CDH2: variants seen among roughly 807,000 people sequenced by gnomAD.
CDH2 encodes the protein cadherin 2, also known as cadherin-2.
Under a neutral mutation model 92.0 loss-of-function variants are expected in CDH2, and 17 were observed. The ratio of observed to expected loss-of-function variants is 0.18; its 90% CI spans 0.13 to 0.28. CDH2 has a LOEUF of 0.28. Ranked by LOEUF, CDH2 falls within the 10% of genes least tolerant of loss-of-function variation. CDH2 has a pLI of 1.00. For synonymous variants in CDH2, 419 were observed against 415.9 expected (o/e 1.01, Z -0.09); for missense variants, 862 against 1,133.1 (o/e 0.76, Z 3.44).
In CDH2 at chr18:27,990,143, T is replaced by C. The variant is rs149079132; in HGVS notation, c.1552A>G (p.Thr518Ala). ...CGATCTGGGTCCTGAGCAGTGAATG[T>C]TGTCAACATGGTACCGGCATGAAGC... Reference protein sequence around the residue: ...EGLHAGTMLTTFTAQDPDRYM... With the variant: ...EGLHAGTMLTAFTAQDPDRYM... Residue 518 changes from threonine to alanine, a missense_variant, in exon 10 of 16, where the codon ACA becomes GCA. Thr to Ala is a moderately conservative substitution (Grantham distance 58). Transcript: ENST00000269141. 1.2e-5 allele frequency: 20 copies of C among 1,614,078 alleles called. No individual in the cohort carries two copies. The African/African-American group carries it at 1.7e-4, about 14-fold the overall frequency.
chr18:28,132,529 G>A (rs2015789797), intron 2 of CDH2, among the ~76,000 whole-genome samples: 1 of 152,112 alleles, frequency 6.6e-6, no homozygotes, highest in South Asian at 2.1e-4. Flanking sequence ...CAGAGGCAAC[G>A]GGTGGGAGGG....
At chr18:28,053,326 A>G (rs2014229185) in intron 2 of CDH2, among the ~76,000 whole-genome samples, 2 of 152,230 alleles carry the variant, frequency 1.3e-5, no homozygotes, top group South Asian at 4.1e-4. Context: ...AGTATTAGAC[A>G]TTTTTAAAGA....
intron 3 of CDH2, 55 bp from the exon 4 acceptor site, chr18:28,012,047 G>T (rs2013116828): frequency 2.1e-6 from 3 of 1,454,672 alleles, no homozygotes; most frequent in Non-Finnish European, 2.9e-6. Context: ...TTTTCTGAAA[G>T]TACATCAATA....
intron 2 of CDH2, among the ~76,000 whole-genome samples, chr18:28,095,572 C>T (rs993340739): frequency 6.6e-6 from 1 of 151,986 alleles, no homozygotes; most frequent in Non-Finnish European, 1.5e-5. Flanking sequence ...AATCCCAGCA[C>T]TTTGGGAGGC....
At position 27,986,167 on chromosome 18, in the gene CDH2, T is replaced by C. The variant is rs76377715; in HGVS notation, c.1742-406A>G. Among the ~76,000 whole-genome samples the C allele has an allele frequency of 2.7e-4, 41 of 152,280 alleles. 1 individual carries two copies. The East Asian group carries it at 7.9e-3, about 30-fold the overall frequency. ...TTTATGGAGAACCAAGACATATGCA[T>C]GAAAGAACATAAGAATGCTTTTAAC... On this transcript the variant is annotated intron_variant, in intron 11 of 15. Coordinates refer to ENST00000269141, the MANE Select transcript of CDH2 (RefSeq NM_001792.5).
intron 2 of CDH2, among the ~76,000 whole-genome samples, chr18:28,092,877 C>A (rs770675441): frequency 6.6e-5 from 10 of 152,126 alleles, no homozygotes; most frequent in Non-Finnish European, 1.3e-4. Flanking sequence ...ATGGAATCCA[C>A]CAATATTCCA....
At chr18:28,089,939 C>T (rs761353908) in intron 2 of CDH2, among the ~76,000 whole-genome samples, 5 of 152,178 alleles carry the variant, frequency 3.3e-5, no homozygotes, top group African/African-American at 7.2e-5. Flanking sequence ...TCCATATCCA[C>T]GTGAATTATG....
intron 2 of CDH2, among the ~76,000 whole-genome samples, chr18:28,056,836 G>A (rs1366214587): frequency 6.6e-6 from 1 of 152,162 alleles, no homozygotes; most frequent in African/African-American, 2.4e-5. Context: ...GATATATTAA[G>A]TTATATGGGA....
intron 2 of CDH2, among the ~76,000 whole-genome samples, chr18:28,078,816 A>C: frequency 6.6e-6 from 1 of 152,150 alleles, no homozygotes; most frequent in Admixed American, 6.6e-5. Flanking sequence ...TTATGCAGAC[A>C]AAGTGTGCTG....
chr18:27,948,783 TTGAGGA>T (rs1909338633), downstream of CDH2, among the ~76,000 whole-genome samples: 1 of 151,900 alleles, frequency 6.6e-6, no homozygotes, highest in Non-Finnish European at 1.5e-5. Flanking sequence ...TCCAGGACTG[TTGAGGA>T]TGAGTGTAAA....
At chr18:28,043,115 G>A (rs2013980754) in intron 2 of CDH2, among the ~76,000 whole-genome samples, 1 of 152,048 alleles carries the variant, frequency 6.6e-6, no homozygotes, top group Admixed American at 6.6e-5. Flanking sequence ...ATACTACTCA[G>A]TCATAAAACG....
intron 15 of CDH2, among the ~76,000 whole-genome samples, chr18:27,958,783 G>A (rs898509355): frequency 6.6e-6 from 1 of 152,070 alleles, no homozygotes; most frequent in Non-Finnish European, 1.5e-5. Context: ...TCATGGGGAC[G>A]GTTACCCCTA....
intron 15 of CDH2, among the ~76,000 whole-genome samples, chr18:27,955,648 C>T (rs1420051047): frequency 6.6e-6 from 1 of 151,830 alleles, no homozygotes; most frequent in Non-Finnish European, 1.5e-5. Context: ...TGATAATCAA[C>T]TCCCATATCC....
chr18:28,136,802 A>G (rs575906514), intron 2 of CDH2, among the ~76,000 whole-genome samples: 1 of 152,320 alleles, frequency 6.6e-6, no homozygotes, highest in African/African-American at 2.4e-5. Context: ...CCAAATATCT[A>G]AGTATAGTAG....
intron 2 of CDH2, among the ~76,000 whole-genome samples, chr18:28,118,123 C>T (rs1228645371): frequency 6.6e-6 from 1 of 151,506 alleles, no homozygotes; most frequent in Non-Finnish European, 1.5e-5. Flanking sequence ...TAAATATATC[C>T]CCAATGATGT....
intron 2 of CDH2, among the ~76,000 whole-genome samples, chr18:28,118,004 A>G (rs181294073): frequency 6.6e-6 from 1 of 152,252 alleles, no homozygotes; most frequent in African/African-American, 2.4e-5. Context: ...ATAAAAGCAA[A>G]GAGCAGTGAT....
intron 14 of CDH2, among the ~76,000 whole-genome samples, chr18:27,967,538 C>CA (rs2011560392): frequency 6.6e-6 from 1 of 152,162 alleles, no homozygotes; most frequent in Non-Finnish European, 1.5e-5. Flanking sequence ...TCCTAAAACT[C>CA]AAAGAGTGGG....
At position 28,153,530 on chromosome 18, in the gene CDH2, C is replaced by T. The variant is rs17536703; in HGVS notation, c.61-5746G>A. Reference sequence around the variant, plus strand: ...CCCAGACATGGTTTGGGGAAATCTGCCCAGGGGCAACACCCCCCAACCCCC... The same window carrying T: ...CCCAGACATGGTTTGGGGAAATCTGTCCAGGGGCAACACCCCCCAACCCCC... On this transcript the variant is annotated intron_variant, in intron 1 of 15. Coordinates refer to ENST00000269141, the MANE Select transcript of CDH2 (RefSeq NM_001792.5). 4.2e-3 allele frequency among the ~76,000 whole-genome samples: 636 copies of T among 152,254 alleles called. 3 individuals are homozygous for T. The highest frequency in any genetic ancestry group is 0.015 in the African/African-American group (604 of 41,542).
At chr18:28,166,848 A>G (rs952865540) in intron 1 of CDH2, among the ~76,000 whole-genome samples, 1 of 151,806 alleles carries the variant, frequency 6.6e-6, no homozygotes, top group Non-Finnish European at 1.5e-5. Context: ...AGAGCTACTA[A>G]ACCATTATAA....
Sources: allele counts gnomAD v4.1 joint callset (sites outside exome capture counted in the v4.1 genomes callset), GRCh38; gene constraint gnomAD v4.1.1; transcripts MANE v1.5; gene names NCBI Gene and HGNC (gene_info 2026-07-23, HGNC 2026-07-21).